Variants in DOCK7 observed in about 807,000 individuals in gnomAD.
DOCK7 encodes the protein dedicator of cytokinesis protein 7.
A neutral mutation model predicts 271.0 loss-of-function variants in DOCK7; 138 were observed. That is an observed-to-expected ratio of 0.51 (90% CI 0.44 to 0.59). The LOEUF (loss-of-function observed/expected upper bound fraction) is 0.59, where lower values mean the gene tolerates loss of function less well. DOCK7 is among the 20% of genes least tolerant of loss of function. DOCK7 has a pLI of 0.00. For synonymous variants in DOCK7, 823 were observed against 876.1 expected (o/e 0.94, Z 1.07); for missense variants, 2,066 against 2,592.4 (o/e 0.80, Z 4.41).
chr1:62,574,645 T>G (rs1312390128), intron 18 of DOCK7, among the ~76,000 whole-genome samples: 1 of 152,210 alleles, frequency 6.6e-6, no homozygotes, highest in Non-Finnish European at 1.5e-5. Context: ...GCTTTTGACT[T>G]CTTTTAAAAC....
At chr1:62,669,539 T>C (rs978699076) in intron 1 of DOCK7, among the ~76,000 whole-genome samples, 2 of 152,238 alleles carry the variant, frequency 1.3e-5, no homozygotes, top group Non-Finnish European at 2.9e-5. Flanking sequence ...ACAGGTTCAT[T>C]TCTGCCATTC....
intron 31 of DOCK7, among the ~76,000 whole-genome samples, chr1:62,526,681 T>C (rs1278582507): frequency 6.6e-6 from 1 of 152,112 alleles, no homozygotes; most frequent in African/African-American, 2.4e-5. Flanking sequence ...CAGCTGTTCA[T>C]CAACTGACAA....
intron 14 of DOCK7, chr1:62,605,796 T>G (rs982055993): frequency 1.3e-5 from 2 of 152,152 alleles, no homozygotes; most frequent in Admixed American, 1.3e-4. Flanking sequence ...TTATAGAAAT[T>G]TAAATTATTC....
At chr1:62,564,415 A>T (rs1048490513) in intron 18 of DOCK7, among the ~76,000 whole-genome samples, 3 of 152,144 alleles carry the variant, frequency 2.0e-5, no homozygotes, top group Non-Finnish European at 4.4e-5. Context: ...AAACTCACTC[A>T]ACTACATGGA....
intron 35 of DOCK7, 152 bp from the exon 36 acceptor site, chr1:62,505,968 C>T (rs1646925045): frequency 1.6e-6 from 1 of 635,244 alleles, no homozygotes; most frequent in Non-Finnish European, 2.4e-6. Flanking sequence ...TCTAGGATGG[C>T]TTCAAGAAGG....
chr1:62,483,469 C>T (rs914946581), intron 43 of DOCK7: 1 of 151,936 alleles, frequency 6.6e-6, no homozygotes, highest in African/African-American at 2.4e-5. Context: ...AGTATCTCCT[C>T]TTAGAGATAC....
At chr1:62,543,576 G>A in intron 24 of DOCK7, 80 bp downstream of exon 24, 1 of 1,049,324 alleles carries the variant, frequency 9.5e-7, no homozygotes, top group Non-Finnish European at 1.4e-6. Flanking sequence ...ATCTCATACT[G>A]GTTATGTAAA....
At chr1:62,511,578 G>T (rs909317855) in intron 33 of DOCK7, among the ~76,000 whole-genome samples, 1 of 151,960 alleles carries the variant, frequency 6.6e-6, no homozygotes, top group African/African-American at 2.4e-5. Context: ...AAATACAAAA[G>T]AATACAACTA....
At chr1:62,661,833 G>C (rs1658696637) in intron 2 of DOCK7, among the ~76,000 whole-genome samples, 1 of 152,064 alleles carries the variant, frequency 6.6e-6, no homozygotes, top group African/African-American at 2.4e-5. Context: ...TCTGATTATA[G>C]AAATTTTGAG....
intron 31 of DOCK7, among the ~76,000 whole-genome samples, chr1:62,517,886 C>T (rs147763692): frequency 8.5e-5 from 13 of 152,236 alleles, no homozygotes; most frequent in Admixed American, 1.3e-4. Context: ...TACAGAGTGA[C>T]GTAAAGGAAC....
At chr1:62,483,928 CA>C (rs1646216261) in intron 43 of DOCK7, 1 of 152,140 alleles carries the variant, frequency 6.6e-6, no homozygotes, top group Non-Finnish European at 1.5e-5. Context: ...CTTGACTACC[CA>C]AAAGTACTTG....
At chr1:62,636,899 C>T (rs1201807641) in intron 7 of DOCK7, among the ~76,000 whole-genome samples, 1 of 152,150 alleles carries the variant, frequency 6.6e-6, no homozygotes, top group African/African-American at 2.4e-5. Context: ...CACTTTCTAA[C>T]ATGGTCACTT....
At position 62,466,917 on chromosome 1, in the gene DOCK7, A is replaced by AAAAAAC. The variant is rs1382099048; in HGVS notation, c.6212+7059_6212+7064dup. ...TGGGTGACAGCGAGATTCTGTCTCA[A>AAAAAAC]AAAAACAAAAACAAAAACAAAAAAA... is the stretch of plus-strand genomic sequence containing the variant. On this transcript the variant is annotated intron_variant, in intron 48 of 49. Coordinates refer to ENST00000635253, the MANE Select transcript of DOCK7 (RefSeq NM_001367561.1). 5.3e-5 allele frequency among the ~76,000 whole-genome samples: 8 copies of AAAAAAC among 152,258 alleles called. No individual in the cohort carries two copies. The South Asian group carries it at 6.2e-4, about 12-fold the overall frequency.
intron 1 of DOCK7, among the ~76,000 whole-genome samples, chr1:62,682,933 A>G (rs1478638407): frequency 6.6e-6 from 1 of 152,218 alleles, no homozygotes; most frequent in Non-Finnish European, 1.5e-5. Context: ...AAAGTACAAT[A>G]AAATAGGTAA....
At chr1:62,496,771 A>T (rs1022836688) in intron 37 of DOCK7, among the ~76,000 whole-genome samples, 2 of 152,136 alleles carry the variant, frequency 1.3e-5, no homozygotes, top group Non-Finnish European at 2.9e-5. Flanking sequence ...TTTATTTATT[A>T]TGGGCATATG....
chr1:62,538,785 C>A (rs1249913169), intron 27 of DOCK7, among the ~76,000 whole-genome samples: 1 of 152,220 alleles, frequency 6.6e-6, no homozygotes, highest in Non-Finnish European at 1.5e-5. Context: ...TAAAACTAAT[C>A]TGTAGACCAG....
Position 62,552,899 on chromosome 1 carries a change from G to T in DOCK7, c.2599C>A (p.Pro867Thr). ...TGCACTGATCCTCCCAAACCCCCAG[G>T]ACCTAGAGTTGTATATGAAATAGCA... ...NTYPNSSSPG[P>T]GGLGGSVHYA... Residue 867 changes from proline to threonine, a missense_variant and splice_region_variant, in exon 22 of 50, where the codon CCT (proline) becomes ACT (threonine). Around this residue, in one of 2 missense-constraint regions of DOCK7, gnomAD observed 1,414 missense variants for 1,670.4 expected, o/e 0.85. Coordinates refer to ENST00000635253, the MANE Select transcript of DOCK7 (RefSeq NM_001367561.1). 1 of 1,589,626 alleles carries T rather than the reference G, an allele frequency of 6.3e-7. No individual in the cohort carries two copies. Among genetic ancestry groups the T allele is most frequent in the Non-Finnish European group, 8.6e-7 (1 of 1,166,936 alleles).
At chr1:62,641,230 G>T in intron 7 of DOCK7, 1 of 399,578 alleles carries the variant, frequency 2.5e-6, no homozygotes, top group South Asian at 1.9e-5. Flanking sequence ...TCCAGTAGTG[G>T]ATCTTAGCTT....
chr1:62,672,570 G>A (rs753366462), intron 1 of DOCK7, among the ~76,000 whole-genome samples: 3 of 152,018 alleles, frequency 2.0e-5, no homozygotes, highest in Non-Finnish European at 4.4e-5. Context: ...CAGTCTCCAC[G>A]GGTGGACCTT....
Sources: allele counts gnomAD v4.1 joint callset (sites outside exome capture counted in the v4.1 genomes callset), GRCh38; gene constraint gnomAD v4.1.1; regional missense constraint gnomAD v4.1.1; transcripts MANE v1.5; gene names NCBI Gene and HGNC (gene_info 2026-07-23, HGNC 2026-07-21).